WDR70: variants seen among roughly 807,000 people sequenced by gnomAD.
The protein encoded by WDR70 is WD repeat domain 70.
In WDR70, 53 loss-of-function variants were observed where a neutral mutation model predicts 88.6. The ratio of observed to expected loss-of-function variants is 0.60; its 90% CI spans 0.48 to 0.75. The LOEUF is 0.75. Among genes scored for constraint, WDR70 ranks in the 30% least tolerant of loss-of-function variants. The pLI, the probability that WDR70 is intolerant of heterozygous loss-of-function variation, is 0.00. For missense variants in WDR70, 610 were observed against 823.2 expected, an observed-to-expected ratio of 0.74 and a Z score of 3.17; for synonymous variants, 280 against 270.0, an observed-to-expected ratio of 1.04 and a Z score of -0.36.
At chr5:37,469,159 A>T (rs1275148064) in intron 7 of WDR70, among the ~76,000 whole-genome samples, 1 of 152,184 alleles carries the variant, frequency 6.6e-6, no homozygotes, top group Non-Finnish European at 1.5e-5. Flanking sequence ...TTCTTAGTTT[A>T]TACTCGTGGT....
At position 37,479,791 on chromosome 5, in the gene WDR70, T is replaced by A. The variant is rs774538160; in HGVS notation, c.687-43T>A. 8 of 1,561,986 alleles carry A rather than the reference T, an allele frequency of 5.1e-6. No individual in the cohort carries two copies. The African/African-American group carries it at 8.2e-5, about 16-fold the overall frequency. Reference sequence around the variant, plus strand: ...ACTTAATGTAGTAAAATTATAAACATTGTGCTTAGTATCTTACCAACTTTC... The same window carrying A: ...ACTTAATGTAGTAAAATTATAAACAATGTGCTTAGTATCTTACCAACTTTC... On this transcript the variant is annotated intron_variant, in intron 7 of 17. Transcript: ENST00000265107.
intron 10 of WDR70, among the ~76,000 whole-genome samples, chr5:37,615,878 C>T (rs1338471001): frequency 6.6e-6 from 1 of 152,184 alleles, no homozygotes; most frequent in Admixed American, 6.5e-5. Flanking sequence ...AATTGCGTCT[C>T]TCGCTTTCAT....
At chr5:37,541,277 G>A (rs904658689) in intron 9 of WDR70, among the ~76,000 whole-genome samples, 3 of 152,116 alleles carry the variant, frequency 2.0e-5, no homozygotes, top group Admixed American at 6.5e-5. Flanking sequence ...TAAAGTTAAG[G>A]ACTTAATGAA....
chr5:37,696,351 G>A (rs192841963), intron 10 of WDR70, among the ~76,000 whole-genome samples: 8 of 152,296 alleles, frequency 5.3e-5, no homozygotes, highest in Non-Finnish European at 8.8e-5. Context: ...GAACTGGCCT[G>A]CTTTTGTAAG....
chr5:37,530,660 T>A (rs564041387), intron 9 of WDR70, among the ~76,000 whole-genome samples: 1 of 152,194 alleles, frequency 6.6e-6, no homozygotes, highest in East Asian at 1.9e-4. Flanking sequence ...TCTCCCATTT[T>A]TTTTCTAATT....
intron 9 of WDR70, among the ~76,000 whole-genome samples, chr5:37,587,987 CAA>C (rs891945694): frequency 1.3e-5 from 2 of 151,926 alleles, no homozygotes; most frequent in African/African-American, 4.8e-5. Flanking sequence ...ACCATGTTGG[CAA>C]AAGTCCTGTT....
chr5:37,450,500 A>G (rs1275915590), intron 7 of WDR70, among the ~76,000 whole-genome samples: 2 of 152,182 alleles, frequency 1.3e-5, no homozygotes, highest in East Asian at 1.9e-4. Context: ...ATCCAGTACT[A>G]TGTTGATTTA....
intron 10 of WDR70, among the ~76,000 whole-genome samples, chr5:37,679,157 C>G (rs1195272583): frequency 6.6e-6 from 1 of 152,084 alleles, no homozygotes; most frequent in African/African-American, 2.4e-5. Flanking sequence ...AAGTTTTTAA[C>G]TTCTTTGCCT....
Position 37,605,145 on chromosome 5 carries a change from C to T in WDR70, c.999C>T (p.Val333=). Reference sequence around the variant, plus strand: ...CACGGACGATGCAAGGCAAAAAAGTCATTCCCACTACGTGCACATATAGTA... The same window carrying T: ...CACGGACGATGCAAGGCAAAAAAGTTATTCCCACTACGTGCACATATAGTA... The part of the protein sequence containing the change: ...FKPRTMQGKK[V]IPTTCTYSRD... Residue 333 remains valine (V), a synonymous_variant, in exon 10 of 18, where the codon GTC becomes GTT. Coordinates refer to ENST00000265107, the MANE Select transcript of WDR70 (RefSeq NM_018034.4). 1 of 1,613,378 alleles carries T rather than the reference C, an allele frequency of 6.2e-7. No homozygotes were observed.
intron 3 of WDR70, among the ~76,000 whole-genome samples, chr5:37,388,758 A>G (rs1344737859): frequency 6.7e-6 from 1 of 149,732 alleles, no homozygotes; most frequent in East Asian, 2.0e-4. Flanking sequence ...AAACAAAAAG[A>G]AAAACTAAGG....
chr5:37,546,581 A>G (rs1045688789), intron 9 of WDR70, among the ~76,000 whole-genome samples: 1 of 152,222 alleles, frequency 6.6e-6, no homozygotes, highest in African/African-American at 2.4e-5. Flanking sequence ...TATTATCATT[A>G]GTACATCTTG....
intron 9 of WDR70, among the ~76,000 whole-genome samples, chr5:37,522,470 CAA>C (rs1209419601): frequency 7.3e-5 from 3 of 41,350 alleles, no homozygotes; most frequent in Admixed American, 4.3e-4. Flanking sequence ...GACTCTGTCT[CAA>C]AAAAAAAAAA....
intron 13 of WDR70, among the ~76,000 whole-genome samples, chr5:37,711,012 G>A (rs1434086397): frequency 6.6e-6 from 1 of 151,938 alleles, no homozygotes; most frequent in Non-Finnish European, 1.5e-5. Flanking sequence ...ACATTCAGAG[G>A]GAGAGACTGA....
intron 7 of WDR70, among the ~76,000 whole-genome samples, chr5:37,454,637 G>A (rs560154871): frequency 3.9e-5 from 6 of 152,344 alleles, no homozygotes; most frequent in East Asian, 1.9e-4. Context: ...GTTATACACT[G>A]TCTTCTCTGC....
Position 37,678,436 on chromosome 5 carries a change from A to C in WDR70, c.1093-19219A>C, listed in dbSNP as rs554472459. 3.8e-3 allele frequency among the ~76,000 whole-genome samples: 582 copies of C among 152,270 alleles called. 8 individuals are homozygous for C. The highest frequency in any genetic ancestry group is 0.013 in the African/African-American group (555 of 41,548). Reference sequence around the variant, plus strand: ...TTTTAGGGCAGGCCTGGTGGTGACAAAATCTGTCAGCATTTGCTTGTCTGT... The same window carrying C: ...TTTTAGGGCAGGCCTGGTGGTGACACAATCTGTCAGCATTTGCTTGTCTGT... On this transcript the variant is annotated intron_variant, in intron 10 of 17. Transcript: ENST00000265107.
At chr5:37,631,971 C>T (rs1205748975) in intron 10 of WDR70, among the ~76,000 whole-genome samples, 1 of 152,118 alleles carries the variant, frequency 6.6e-6, no homozygotes, top group Non-Finnish European at 1.5e-5. Context: ...CTCCTGGTCC[C>T]CTCTGTTACA....
rs560936979 is a variant in WDR70, at chr5:37,690,022, G to A, written c.1093-7633G>A. Among the ~76,000 whole-genome samples, 41 of 152,276 alleles carry A rather than the reference G, an allele frequency of 2.7e-4. No homozygotes were observed. The South Asian group carries it at 7.9e-3, about 29-fold the overall frequency. On this transcript the variant is annotated intron_variant, in intron 10 of 17. Transcript: ENST00000265107. ...CAGTGTAGAGAAGACCTTAAATGAC[G>A]TGATGGAGCTGAAAACCATGGCACG...
chr5:37,590,788 A>G (rs2112445647), intron 9 of WDR70, among the ~76,000 whole-genome samples: 1 of 152,274 alleles, frequency 6.6e-6, no homozygotes, highest in African/African-American at 2.4e-5. Context: ...GGCCCTGCAG[A>G]TACCTTGATT....
chr5:37,573,349 G>A (rs1459669551), intron 9 of WDR70, among the ~76,000 whole-genome samples: 1 of 152,026 alleles, frequency 6.6e-6, no homozygotes, highest in East Asian at 1.9e-4. Context: ...AAAGGCCCCT[G>A]TTCACCCGAA....
Sources: gnomAD v4.1 joint callset for allele counts (sites outside exome capture counted in the v4.1 genomes callset) on GRCh38, gnomAD v4.1.1 for gene constraint, MANE v1.5 for transcripts, NCBI Gene and HGNC (gene_info 2026-07-23, HGNC 2026-07-21) for gene names.